The following GTF2H1 variants were observed in gnomAD, a reference collection of about 807,000 sequenced individuals.
GTF2H1 encodes the protein general transcription factor IIH subunit 1, also known as BTF2 p62.
In GTF2H1, 16 loss-of-function variants were observed where a neutral mutation model predicts 71.2. The observed-to-expected ratio is 0.22, with a 90% CI of 0.15 to 0.34. GTF2H1 has a LOEUF of 0.34. GTF2H1 is among the 10% of genes least tolerant of loss of function. GTF2H1 has a pLI of 1.00. For synonymous variants in GTF2H1, 215 were observed against 219.0 expected (o/e 0.98, Z 0.16); for missense variants, 498 against 648.2 (o/e 0.77, Z 2.52).
At chr11:18,340,275 C>T (rs552295891) in intron 5 of GTF2H1, among the ~76,000 whole-genome samples, 1 of 151,606 alleles carries the variant, frequency 6.6e-6, no homozygotes, top group East Asian at 1.9e-4. Flanking sequence ...GGCAACAAAA[C>T]AAGACCCTAT....
At chr11:18,353,717 ACTTT>A (rs767918698) in intron 11 of GTF2H1, among the ~76,000 whole-genome samples, 2 of 152,184 alleles carry the variant, frequency 1.3e-5, no homozygotes, top group Non-Finnish European at 2.9e-5. Flanking sequence ...ATCAAGACTT[ACTTT>A]TTTACTTTTT....
In GTF2H1 at chr11:18,339,714, A is replaced by G. The variant is rs1454146362; in HGVS notation, c.607+57A>G. 4 of 1,020,470 alleles carry G rather than the reference A, an allele frequency of 3.9e-6. No homozygotes were observed. The East Asian group carries it at 9.8e-5, about 25-fold the overall frequency. 63.2% of individuals were successfully genotyped at this position (1,020,470 alleles called of 1,614,324 possible). ...AATATATGGATATATTCTATAGTAT[A>G]TCAGTGAAAAACAAAAAGCTTCAGA... On this transcript the variant is annotated intron_variant, in intron 5 of 14. Transcript: ENST00000265963.
chr11:18,364,942 A>G (rs1865783491), intron 14 of GTF2H1, among the ~76,000 whole-genome samples: 1 of 152,050 alleles, frequency 6.6e-6, no homozygotes, highest in African/African-American at 2.4e-5. Flanking sequence ...CAAGATGTAT[A>G]TACGGGGCTG....
chr11:18,339,721 A>G, intron 5 of GTF2H1, 64 bp downstream of exon 5: 1 of 955,532 alleles, frequency 1.0e-6, no homozygotes, highest in Non-Finnish European at 1.6e-6. Flanking sequence ...TATATCAGTG[A>G]AAAACAAAAA....
intron 7 of GTF2H1, among the ~76,000 whole-genome samples, chr11:18,342,149 T>C (rs1206972890): frequency 1.3e-5 from 2 of 152,070 alleles, no homozygotes; most frequent in East Asian, 3.8e-4. Context: ...AAGGATAATT[T>C]TATCACTGCC....
chr11:18,339,222 A>G (rs1289826543), intron 4 of GTF2H1, among the ~76,000 whole-genome samples: 1 of 152,200 alleles, frequency 6.6e-6, no homozygotes, highest in Non-Finnish European at 1.5e-5. Context: ...CAGTCAGTTA[A>G]TGTTAATTTA....
Position 18,339,599 on chromosome 11 carries a change from T to G in GTF2H1, c.549T>G (p.Gly183=), listed in dbSNP as rs1252607169. 6.2e-7 allele frequency: 1 copy of G among 1,613,698 alleles called. No individual in the cohort carries two copies. The highest frequency in any genetic ancestry group is 8.5e-7 in the Non-Finnish European group (1 of 1,179,616). ...DVRPQTDGCN[G]LRYNLTSDII... is the part of the protein sequence containing the mutation. ...GGCCCCAAACTGATGGCTGTAACGG[T>G]CTAAGATATAATTTAACTTCTGATA... is the stretch of plus-strand genomic sequence containing the variant. The change falls in exon 5 of 15, where the codon GGT becomes GGG. Residue 183 remains glycine, a synonymous_variant. Coordinates refer to ENST00000265963, the MANE Select transcript of GTF2H1 (RefSeq NM_005316.4).
chr11:18,355,379 G>A (rs1031597275), intron 11 of GTF2H1, among the ~76,000 whole-genome samples: 2 of 151,812 alleles, frequency 1.3e-5, no homozygotes, highest in African/African-American at 2.4e-5. Flanking sequence ...TCCTGACCTC[G>A]TGATCCACCC....
chr11:18,351,646 A>C (rs1865428423), intron 9 of GTF2H1: 1 of 282,054 alleles, frequency 3.5e-6, no homozygotes, highest in East Asian at 6.2e-5. Context: ...CCAGATTGGC[A>C]AAAGTAAAAA....
Position 18,365,865 on chromosome 11 carries a change from CGTGAG to C in GTF2H1, c.1647_*4del. 1.9e-6 allele frequency: 3 copies of C among 1,609,358 alleles called. No individual in the cohort carries two copies. Among genetic ancestry groups the C allele is most frequent in the Non-Finnish European group, 2.6e-6 (3 of 1,175,794 alleles). On this transcript the variant is annotated stop_lost and 3_prime_UTR_variant, in exon 15 of 15. Transcript: ENST00000265963. ...CAGTCACGGCGTCTGATGAAGAAAA[CGTGAG>C]GTGGCCATGATGCTTACAGGTTTTG...
intron 1 of GTF2H1, among the ~76,000 whole-genome samples, chr11:18,329,120 G>A (rs1471032143): frequency 6.6e-6 from 1 of 151,980 alleles, no homozygotes; most frequent in Non-Finnish European, 1.5e-5. Context: ...TTGTAAGGTG[G>A]GTACAGATAA....
chr11:18,365,828 C>CGTG lies in GTF2H1; in HGVS notation c.1606_1607insGTG (p.Leu536delinsArgVal), dbSNP rs1565023197. 2 of 1,613,872 alleles carry CGTG rather than the reference C, an allele frequency of 1.2e-6. No homozygotes were observed. Among genetic ancestry groups the CGTG allele is most frequent in the East Asian group, 2.2e-5 (1 of 44,892 alleles). On this transcript the variant is annotated protein_altering_variant, in exon 15 of 15. Transcript: ENST00000265963. ...GATGCTCCAGACAGCCTACAACAAGCTCCACACATGGCAGTCACGGCGTCT... is the reference window on the plus strand; with the variant it reads ...GATGCTCCAGACAGCCTACAACAAGCGTGTCCACACATGGCAGTCACGGCGTCT...
chr11:18,362,989 T>C (rs1217073443), intron 14 of GTF2H1, among the ~76,000 whole-genome samples: 2 of 152,008 alleles, frequency 1.3e-5, no homozygotes, highest in African/African-American at 4.8e-5. Context: ...ATTTTTAATT[T>C]TTTTTTTCTT....
Position 18,347,863 on chromosome 11 carries a change from A to G in GTF2H1, c.997A>G (p.Ser333Gly). ...EAQNEQTSEP[S>G]NMDGNSGDAD... The stretch of plus-strand genomic sequence containing the variant: ...ACAAAATGAACAAACTAGTGAGCCC[A>G]GCAACATGGATGGAAATTCCGGAGA... The change falls in exon 9 of 15, where the codon AGC (serine) becomes GGC (glycine). Residue 333 changes from serine to glycine, a missense_variant. By Grantham distance (56) the Ser-to-Gly change is moderately conservative. Around this residue, in one of 3 missense-constraint regions of GTF2H1, gnomAD observed 266 missense variants for 301.6 expected, o/e 0.88. Transcript: ENST00000265963. 6.2e-7 allele frequency: 1 copy of G among 1,613,492 alleles called. No homozygotes were observed.
chr11:18,331,136 C>T (rs1864884986), intron 1 of GTF2H1, among the ~76,000 whole-genome samples: 1 of 152,328 alleles, frequency 6.6e-6, no homozygotes, highest in Non-Finnish European at 1.5e-5. Flanking sequence ...CAGCCTCTGC[C>T]TCCTGGGCTC....
chr11:18,351,302 T>TG (rs1865417125), intron 9 of GTF2H1, among the ~76,000 whole-genome samples: 3 of 151,248 alleles, frequency 2.0e-5, no homozygotes, highest in African/African-American at 4.9e-5. Context: ...TTTTTTTTTT[T>TG]GATGAAGTCT....
chr11:18,344,485 G>C (rs373682674), intron 7 of GTF2H1, among the ~76,000 whole-genome samples: 2 of 151,996 alleles, frequency 1.3e-5, no homozygotes, highest in East Asian at 3.9e-4. Flanking sequence ...CGGGCCTGGC[G>C]GCACATGCCT....
chr11:18,337,154 C>T (rs777753311), intron 3 of GTF2H1, among the ~76,000 whole-genome samples: 19 of 152,284 alleles, frequency 1.2e-4, no homozygotes, highest in Non-Finnish European at 2.6e-4. Flanking sequence ...GAAGGCGGGG[C>T]ATAATGGCTC....
intron 11 of GTF2H1, among the ~76,000 whole-genome samples, chr11:18,354,225 CAG>C (rs1565017021): frequency 1.3e-5 from 2 of 152,152 alleles, no homozygotes; most frequent in Non-Finnish European, 2.9e-5. Context: ...GTATCCTACT[CAG>C]TGTGTCATAT....
Sources: gnomAD v4.1 joint callset for allele counts (sites outside exome capture counted in the v4.1 genomes callset) on GRCh38, gnomAD v4.1.1 for gene constraint, gnomAD v4.1.1 regional missense constraint, MANE v1.5 for transcripts, NCBI Gene and HGNC (gene_info 2026-07-23, HGNC 2026-07-21) for gene names.